The following PDE8B variants were observed in gnomAD, a reference collection of about 807,000 sequenced individuals.
PDE8B encodes the protein high affinity cAMP-specific and IBMX-insensitive 3',5'-cyclic phosphodiesterase 8B.
PDE8B carries 26 observed loss-of-function variants against 101.3 expected under a neutral mutation model. The observed-to-expected ratio is 0.26, with a 90% CI of 0.19 to 0.36. The LOEUF is 0.36. Among genes scored for constraint, PDE8B ranks in the 10% least tolerant of loss-of-function variants. The pLI is 1.00. For synonymous variants in PDE8B, 424 were observed against 429.3 expected (o/e 0.99, Z 0.15); for missense variants, 810 against 1,163.1 (o/e 0.70, Z 4.42).
the PDE8B span, among the ~76,000 whole-genome samples, chr5:77,196,840 G>A: frequency 6.6e-6 from 1 of 152,042 alleles, no homozygotes; most frequent in African/African-American, 2.4e-5. Flanking sequence ...TTGTGAGCAG[G>A]CTGTTAAACA....
At chr5:77,177,318 A>G in the PDE8B span, among the ~76,000 whole-genome samples, 1 of 152,254 alleles carries the variant, frequency 6.6e-6, no homozygotes, top group Non-Finnish European at 1.5e-5. Flanking sequence ...GGAACCACAG[A>G]TAGTAATGAA....
intron 1 of PDE8B, among the ~76,000 whole-genome samples, chr5:77,241,467 A>G (rs1475431271): frequency 6.6e-6 from 1 of 152,234 alleles, no homozygotes; most frequent in Non-Finnish European, 1.5e-5. Flanking sequence ...TAGTAAGAAT[A>G]GTTACTAATA....
At chr5:77,208,418 C>T (rs1382880), upstream of PDE8B, among the ~76,000 whole-genome samples, 1 of 152,010 alleles carries the variant, frequency 6.6e-6, no homozygotes, top group Non-Finnish European at 1.5e-5. Context: ...CTTTAGGAAT[C>T]ATTAAACCCT....
chr5:77,425,403 A>C (rs973772988), intron 20 of PDE8B, among the ~76,000 whole-genome samples: 1 of 152,200 alleles, frequency 6.6e-6, no homozygotes, highest in Non-Finnish European at 1.5e-5. Context: ...TCTACTAAAA[A>C]TTAGCTGGAC....
chr5:77,371,160 C>T (rs1011350050), intron 10 of PDE8B, among the ~76,000 whole-genome samples: 2 of 152,074 alleles, frequency 1.3e-5, no homozygotes, highest in East Asian at 1.9e-4. Context: ...ATTTTATGTT[C>T]GTTGTTTTCT....
chr5:77,339,319 C>G (rs7728597), intron 6 of PDE8B, among the ~76,000 whole-genome samples: 52,542 of 151,994 alleles, frequency 0.35, 9,905 homozygotes, highest in African/African-American at 0.49. Flanking sequence ...ACTTGACCCA[C>G]GAAGGTAGTG....
chr5:77,278,540 T>G (rs1213149488), intron 1 of PDE8B, among the ~76,000 whole-genome samples: 2 of 152,088 alleles, frequency 1.3e-5, no homozygotes, highest in African/African-American at 2.4e-5. Context: ...CGCGATCTTG[T>G]CTCATTGCAA....
chr5:77,260,891 A>G (rs1760442463), intron 1 of PDE8B, among the ~76,000 whole-genome samples: 3 of 152,088 alleles, frequency 2.0e-5, no homozygotes, highest in Non-Finnish European at 4.4e-5. Flanking sequence ...ACTGTGGCTC[A>G]CTTCTTAATT....
At chr5:77,296,714 G>A (rs553696617) in intron 1 of PDE8B, among the ~76,000 whole-genome samples, 1 of 152,330 alleles carries the variant, frequency 6.6e-6, no homozygotes, top group African/African-American at 2.4e-5. Context: ...CTTATTGATT[G>A]TGGTGAGTTA....
intron 6 of PDE8B, among the ~76,000 whole-genome samples, chr5:77,344,213 G>A (rs60606941): frequency 1.1e-4 from 17 of 152,180 alleles, no homozygotes; most frequent in African/African-American, 4.1e-4. Flanking sequence ...GTTATATACT[G>A]TACATCATTA....
At chr5:77,353,798 C>A (rs577430722) in intron 10 of PDE8B, among the ~76,000 whole-genome samples, 1 of 152,120 alleles carries the variant, frequency 6.6e-6, no homozygotes, top group Non-Finnish European at 1.5e-5. Context: ...CAAATTAGTA[C>A]TGCAATTTTT....
chr5:77,129,471 T>C, the PDE8B span, among the ~76,000 whole-genome samples: 1 of 152,092 alleles, frequency 6.6e-6, no homozygotes, highest in East Asian at 1.9e-4. Context: ...TGTCACATAT[T>C]GAATGAGTGA....
At position 77,409,030 on chromosome 5, in the gene PDE8B, C is replaced by T. The variant is rs1245719655; in HGVS notation, c.1503C>T (p.Thr501=). The T allele has an allele frequency of 6.2e-7, 1 of 1,613,854 alleles. No individual in the cohort carries two copies. Among genetic ancestry groups the T allele is most frequent in the South Asian group, 1.1e-5 (1 of 91,076 alleles). The change falls in exon 14 of 22, where the codon ACC becomes ACT. Residue 501 remains threonine (T), a synonymous_variant. Transcript: ENST00000264917. ...QLGTKDEDPH[T]SDLVGGLMTD... The stretch of plus-strand genomic sequence containing the variant: ...GTACCAAAGATGAAGATCCCCACAC[C>T]AGTGATCTTGTTGGAGGCCTGATGA...
At chr5:77,251,555 G>A (rs564883189) in intron 1 of PDE8B, among the ~76,000 whole-genome samples, 1 of 152,294 alleles carries the variant, frequency 6.6e-6, no homozygotes, top group South Asian at 2.1e-4. Context: ...TCCATGGATT[G>A]ATGTCTCTGA....
the PDE8B span, chr5:77,105,810 T>TA: frequency 6.6e-6 from 1 of 152,214 alleles, no homozygotes. Context: ...TACTGACACT[T>TA]AGTATTGCCT....
At chr5:77,293,139 A>G (rs1561481604) in intron 1 of PDE8B, among the ~76,000 whole-genome samples, 1 of 152,200 alleles carries the variant, frequency 6.6e-6, no homozygotes, top group African/African-American at 2.4e-5. Flanking sequence ...TTTTTATTAC[A>G]TAATAAATCA....
rs1203243394 is a variant in PDE8B at position 77,211,650 on chromosome 5, C to T, written c.339+386C>T. Reference sequence around the variant, plus strand: ...TGTTGAATGAAATCTGAGCACTGAGCTGGATTTGCGTGCCTTGTAGGTGAC... The same window carrying T: ...TGTTGAATGAAATCTGAGCACTGAGTTGGATTTGCGTGCCTTGTAGGTGAC... On this transcript the variant is annotated intron_variant, in intron 1 of 21. Transcript: ENST00000264917. This position sits in a 1 kb window ranked among gnomAD's most constrained non-coding sequence, Gnocchi z 4.1. Among the ~76,000 whole-genome samples the T allele has an allele frequency of 3.3e-5, 5 of 152,192 alleles. No homozygotes were observed. Among genetic ancestry groups the T allele is most frequent in the Non-Finnish European group, 7.3e-5 (5 of 68,032 alleles).
At chr5:77,225,440 A>G (rs1752120076) in intron 1 of PDE8B, among the ~76,000 whole-genome samples, 1 of 152,164 alleles carries the variant, frequency 6.6e-6, no homozygotes, top group African/African-American at 2.4e-5. Flanking sequence ...TCCTTTTCAT[A>G]GTCTGCTAGT....
chr5:77,195,243 G>A, the PDE8B span, among the ~76,000 whole-genome samples: 3 of 152,296 alleles, frequency 2.0e-5, no homozygotes, highest in African/African-American at 4.8e-5. Context: ...AAGAGAGATC[G>A]AACTTAGCCT....
Sources: allele counts gnomAD v4.1 joint callset (sites outside exome capture counted in the v4.1 genomes callset), GRCh38; gene constraint gnomAD v4.1.1; non-coding constraint Gnocchi (gnomAD v3.1); transcripts MANE v1.5; gene names NCBI Gene and HGNC (gene_info 2026-07-23, HGNC 2026-07-21).